KCNQ1: variants seen among roughly 807,000 people sequenced by gnomAD.
KCNQ1 encodes the protein potassium voltage-gated channel subfamily KQT member 1.
In KCNQ1, 49 loss-of-function variants were observed where a neutral mutation model predicts 72.4. The observed-to-expected ratio is 0.68, with a 90% CI of 0.54 to 0.86. The LOEUF is 0.86. Ranked by LOEUF, KCNQ1 falls within the 40% of genes least tolerant of loss-of-function variation. The probability of loss-of-function intolerance (pLI) is 0.00; values close to 1 mark genes in which losing one functional copy is unlikely to be tolerated. For missense variants in KCNQ1, 790 were observed against 945.1 expected, an observed-to-expected ratio of 0.84 and a Z score of 2.15; for synonymous variants, 450 against 412.6, an observed-to-expected ratio of 1.09 and a Z score of -1.10.
Position 2,624,151 on chromosome 11 carries a change from C to T in KCNQ1, c.1393+35297C>T. The T allele has an allele frequency of 2.5e-6, 1 of 398,428 alleles. No homozygotes were observed. The allele number at this position is 398,428 out of a possible 1,614,324, so 24.7% of individuals were successfully genotyped here. ...TATATCACATTTCTTGTTTTAATTTCCATTTCCCTAATGACGTAAGATGTG... is the reference window on the plus strand; with the variant it reads ...TATATCACATTTCTTGTTTTAATTTTCATTTCCCTAATGACGTAAGATGTG... On this transcript the variant is annotated intron_variant, in intron 10 of 15. Coordinates refer to ENST00000155840, the MANE Select transcript of KCNQ1 (RefSeq NM_000218.3). The surrounding 1 kb of genome is among the most constrained non-coding windows in gnomAD (Gnocchi z 4.9).
At chr11:2,681,498 A>G (rs1850396425) in intron 11 of KCNQ1, 6 of 398,332 alleles carry the variant, frequency 1.5e-5, no homozygotes, top group Non-Finnish European at 2.7e-5. Flanking sequence ...GGACTTAGTA[A>G]AGTCAAACTG....
rs533109120 is a variant in KCNQ1 at position 2,661,532 on chromosome 11, T to C, written c.1394-429T>C. ...AGAGGTCCTATCACCCCATCTTTCC[T>C]GACCCACTACTCTGTCAATGTATGA... On this transcript the variant is annotated intron_variant, in intron 10 of 15. Transcript: ENST00000155840. The surrounding 1 kb of genome is among the most constrained non-coding windows in gnomAD (Gnocchi z 5.9). 2 of 489,740 alleles carry C rather than the reference T, an allele frequency of 4.1e-6. No individual in the cohort carries two copies. Among genetic ancestry groups the C allele is most frequent in the South Asian group, 9.1e-5 (2 of 21,858 alleles). The allele number at this position is 489,740 out of a possible 1,614,324, so 30.3% of individuals were successfully genotyped here. A position where few individuals can be genotyped will look rare whatever the true frequency, so the allele number is the denominator to read the frequency against.
At chr11:2,733,517 T>C (rs1845886961) in intron 11 of KCNQ1, among the ~76,000 whole-genome samples, 1 of 151,942 alleles carries the variant, frequency 6.6e-6, no homozygotes, top group Non-Finnish European at 1.5e-5. Flanking sequence ...CTCATTCTAG[T>C]TGCAAAGATA....
At position 2,712,399 on chromosome 11, in the gene KCNQ1, T is replaced by C. The variant is rs1172523371; in HGVS notation, c.1514+50318T>C. 1.3e-5 allele frequency among the ~76,000 whole-genome samples: 2 copies of C among 152,044 alleles called. No individual in the cohort carries two copies. The highest frequency in any genetic ancestry group is 4.1e-4 in the South Asian group (2 of 4,828). On this transcript the variant is annotated intron_variant, in intron 11 of 15. Coordinates refer to ENST00000155840, the MANE Select transcript of KCNQ1 (RefSeq NM_000218.3). The surrounding 1 kb of genome is among the most constrained non-coding windows in gnomAD (Gnocchi z 6.4). Reference sequence around the variant, plus strand: ...ATGGGGCAGGAACAGGAGTCCGGCCTGGGGGATGTTAGACTCACCAGCCAT... The same window carrying C: ...ATGGGGCAGGAACAGGAGTCCGGCCCGGGGGATGTTAGACTCACCAGCCAT...
chr11:2,679,894 T>C lies in KCNQ1; in HGVS notation c.1514+17813T>C, dbSNP rs909613094. On this transcript the variant is annotated intron_variant, in intron 11 of 15. Coordinates refer to ENST00000155840, the MANE Select transcript of KCNQ1 (RefSeq NM_000218.3). This position sits in a 1 kb window ranked among gnomAD's most constrained non-coding sequence, Gnocchi z 4.8. ...TAGAACTAGCACGCCTAATTTTTTT[T>C]TTATTTTTATTTTTTTTGAGGCAGA... 3 of 398,092 alleles carry C rather than the reference T, an allele frequency of 7.5e-6. No homozygotes were observed. The highest frequency in any genetic ancestry group is 6.2e-5 in the African/African-American group (3 of 48,578). The allele number at this position is 398,092 out of a possible 1,614,324, so 24.7% of individuals were successfully genotyped here. A position where few individuals can be genotyped will look rare whatever the true frequency, so the allele number is the denominator to read the frequency against.
At position 2,818,276 on chromosome 11, in the gene KCNQ1, G is replaced by A. The variant is rs1350547474; in HGVS notation, c.1795-29491G>A. 2.0e-5 allele frequency among the ~76,000 whole-genome samples: 3 copies of A among 152,194 alleles called. No homozygotes were observed. Among genetic ancestry groups the A allele is most frequent in the African/African-American group, 7.2e-5 (3 of 41,422 alleles). ...CCTTGTGCCCTTGTCACCCACTCCT[G>A]TGGGTACACAGCTTCCCTTTCTGCA... On this transcript the variant is annotated intron_variant, in intron 15 of 15. Transcript: ENST00000155840. This position sits in a 1 kb window ranked among gnomAD's most constrained non-coding sequence, Gnocchi z 7.2.
At position 2,451,764 on chromosome 11, in the gene KCNQ1, G is replaced by A. The variant is rs71471701; in HGVS notation, c.386+6280G>A. On this transcript the variant is annotated intron_variant, in intron 1 of 15. Transcript: ENST00000155840. The surrounding 1 kb of genome is among the most constrained non-coding windows in gnomAD (Gnocchi z 6.4). ...GGGCCTGGGCTCTGCTCCCCATTTCGCTCCTCCACTCACAGATGAGGACAT... is the reference window on the plus strand; with the variant it reads ...GGGCCTGGGCTCTGCTCCCCATTTCACTCCTCCACTCACAGATGAGGACAT... Among the ~76,000 whole-genome samples, 687 of 152,204 alleles carry A rather than the reference G, an allele frequency of 4.5e-3. 4 individuals are homozygous for A. Among genetic ancestry groups the A allele is most frequent in the Non-Finnish European group, 8.0e-3 (541 of 68,012 alleles).
chr11:2,477,375 G>A lies in KCNQ1; in HGVS notation c.386+31891G>A, dbSNP rs774763305. Among the ~76,000 whole-genome samples the A allele has an allele frequency of 2.0e-5, 3 of 152,176 alleles. No individual in the cohort carries two copies. Among genetic ancestry groups the A allele is most frequent in the African/African-American group, 4.8e-5 (2 of 41,444 alleles). Reference sequence around the variant, plus strand: ...TTTTCTGGAAAAGCCTCCAGCCCACGGTGACCTAGGTTCTTCCCACCATTG... The same window carrying A: ...TTTTCTGGAAAAGCCTCCAGCCCACAGTGACCTAGGTTCTTCCCACCATTG... On this transcript the variant is annotated intron_variant, in intron 1 of 15. Transcript: ENST00000155840. The surrounding 1 kb of genome is among the most constrained non-coding windows in gnomAD (Gnocchi z 5.0).
intron 8 of KCNQ1, among the ~76,000 whole-genome samples, chr11:2,585,923 C>T (rs1323657070): frequency 6.6e-6 from 1 of 152,222 alleles, no homozygotes; most frequent in African/African-American, 2.4e-5. Flanking sequence ...GGCTCTGTCA[C>T]TCCAGGCTCT....
chr11:2,663,023 C>A lies in KCNQ1; in HGVS notation c.1514+942C>A. 2.5e-6 allele frequency: 1 copy of A among 398,718 alleles called. No individual in the cohort carries two copies. The highest frequency in any genetic ancestry group is 4.4e-6 in the Non-Finnish European group (1 of 226,142). The allele number at this position is 398,718 out of a possible 1,614,324, so 24.7% of individuals were successfully genotyped here. Reference sequence around the variant, plus strand: ...GCAAATCACTGAGGAAATCGGGACCCATGGTGCTGGGGGCTGCAGGTGTAA... The same window carrying A: ...GCAAATCACTGAGGAAATCGGGACCAATGGTGCTGGGGGCTGCAGGTGTAA... On this transcript the variant is annotated intron_variant, in intron 11 of 15. Coordinates refer to ENST00000155840, the MANE Select transcript of KCNQ1 (RefSeq NM_000218.3). The surrounding 1 kb of genome is among the most constrained non-coding windows in gnomAD (Gnocchi z 5.2).
At chr11:2,575,112 G>GCCTGCCTTCGCTGCTGCCCTT (rs1848402476) in intron 6 of KCNQ1, among the ~76,000 whole-genome samples, 1 of 152,196 alleles carries the variant, frequency 6.6e-6, no homozygotes, top group Non-Finnish European at 1.5e-5. Context: ...CTGCTGCCCT[G>GCCTGCCTTCGCTGCTGCCCTT]CCTGCCTTCC....
chr11:2,838,150 G>GCAAA (rs1240988671), intron 15 of KCNQ1, among the ~76,000 whole-genome samples: 1 of 152,236 alleles, frequency 6.6e-6, no homozygotes, highest in Non-Finnish European at 1.5e-5. Flanking sequence ...CTTCTGAGAA[G>GCAAA]CAAACACCAC....
intron 10 of KCNQ1, among the ~76,000 whole-genome samples, chr11:2,590,877 G>A (rs1848662099): frequency 6.6e-6 from 1 of 152,198 alleles, no homozygotes. Flanking sequence ...GTGCCAAGTG[G>A]CCAGGGTTCT....
intron 10 of KCNQ1, chr11:2,655,518 A>G (rs1403882477): frequency 2.5e-6 from 1 of 398,550 alleles, no homozygotes; most frequent in African/African-American, 2.1e-5. Flanking sequence ...TTTCAAGTAC[A>G]CCATGGGCTC....
At chr11:2,681,014 T>G (rs994319793) in intron 11 of KCNQ1, 44 of 398,464 alleles carry the variant, frequency 1.1e-4, no homozygotes, top group Non-Finnish European at 3.1e-5. Flanking sequence ...TCTTTTATTA[T>G]GAAAGCCTCC....
In KCNQ1 at chr11:2,446,803, G is replaced by A. The variant is rs1180318254; in HGVS notation, c.386+1319G>A. ...GTCAGTGGGTGCCTGAGCCACAGCC[G>A]CTGCTGGTCTGTGAGAGGAGCTGGC... is the stretch of plus-strand genomic sequence containing the variant. On this transcript the variant is annotated intron_variant, in intron 1 of 15. Coordinates refer to ENST00000155840, the MANE Select transcript of KCNQ1 (RefSeq NM_000218.3). The surrounding 1 kb of genome is among the most constrained non-coding windows in gnomAD (Gnocchi z 8.8). Among the ~76,000 whole-genome samples the A allele has an allele frequency of 1.3e-5, 2 of 152,220 alleles. No homozygotes were observed. Among genetic ancestry groups the A allele is most frequent in the Non-Finnish European group, 2.9e-5 (2 of 68,030 alleles).
chr11:2,706,292 G>A (rs533917277), intron 11 of KCNQ1, among the ~76,000 whole-genome samples: 1 of 152,340 alleles, frequency 6.6e-6, no homozygotes, highest in East Asian at 1.9e-4. Flanking sequence ...TGATTTTGGG[G>A]GAAGCCAGCC....
At position 2,656,210 on chromosome 11, in the gene KCNQ1, G is replaced by GGA. The variant is rs141507537; in HGVS notation, c.1394-5750_1394-5749dup. 6.7e-3 allele frequency: 2,661 copies of GGA among 398,624 alleles called. 65 individuals carry two copies. In the South Asian group the frequency reaches 0.067, roughly 10 times the overall value. 24.7% of individuals were successfully genotyped at this position (398,624 alleles called of 1,614,324 possible). A position where few individuals can be genotyped will look rare whatever the true frequency, so the allele number is the denominator to read the frequency against. ...CTTCCTTTAAAAAAAATTGAATCCT[G>GGA]GATGAAGTTTTAGCTCTGTCACTTG... On this transcript the variant is annotated intron_variant, in intron 10 of 15. Coordinates refer to ENST00000155840, the MANE Select transcript of KCNQ1 (RefSeq NM_000218.3).
At chr11:2,694,201 G>A (rs1264567959) in intron 11 of KCNQ1, 6 of 398,670 alleles carry the variant, frequency 1.5e-5, no homozygotes, top group South Asian at 2.5e-4. Context: ...CTTTCTCACC[G>A]AGGTGGTGAG....
Sources: gnomAD v4.1 joint callset for allele counts (sites outside exome capture counted in the v4.1 genomes callset) on GRCh38, gnomAD v4.1.1 for gene constraint, Gnocchi (gnomAD v3.1) non-coding constraint, MANE v1.5 for transcripts, NCBI Gene and HGNC (gene_info 2026-07-23, HGNC 2026-07-21) for gene names.